The following SDK2 variants were observed in gnomAD, a reference collection of about 807,000 sequenced individuals.
The protein encoded by SDK2 is sidekick cell adhesion molecule 2.
In SDK2, 105 loss-of-function variants were observed where a neutral mutation model predicts 253.9. That is an observed-to-expected ratio of 0.41 (90% CI 0.35 to 0.49). The LOEUF is 0.49. SDK2 is among the 20% of genes least tolerant of loss of function. SDK2 has a pLI of 0.06. For missense variants in SDK2, 2,608 were observed against 3,003.0 expected, an observed-to-expected ratio of 0.87 and a Z score of 3.07; for synonymous variants, 1,249 against 1,234.9, an observed-to-expected ratio of 1.01 and a Z score of -0.24.
At chr17:73,372,535 C>A (rs1473879193) in intron 36 of SDK2, among the ~76,000 whole-genome samples, 1 of 152,114 alleles carries the variant, frequency 6.6e-6, no homozygotes, top group Non-Finnish European at 1.5e-5. Context: ...AATTCTCTGC[C>A]CTTTCATTTC....
intron 1 of SDK2, among the ~76,000 whole-genome samples, chr17:73,602,883 G>A (rs541570612): frequency 6.6e-6 from 1 of 152,080 alleles, no homozygotes; most frequent in East Asian, 1.9e-4. Flanking sequence ...CTGCCACCAC[G>A]CCTGGCTAAT....
chr17:73,578,808 G>A (rs964707196), intron 1 of SDK2, among the ~76,000 whole-genome samples: 3 of 152,134 alleles, frequency 2.0e-5, no homozygotes, highest in African/African-American at 7.2e-5. Context: ...CCAACCTGAG[G>A]CACAGTCTAG....
chr17:73,643,969 T>TC lies in SDK2; in HGVS notation c.64+55dup. On this transcript the variant is annotated intron_variant, in intron 1 of 44. Transcript: ENST00000392650. This position sits in a 1 kb window ranked among gnomAD's most constrained non-coding sequence, Gnocchi z 6.9. ...GAGGCCGGCCAGCTCCCGCCGCCCCTCCCCCGCCCACTCTCCCAGCCCCCT... is the reference window on the plus strand; with the variant it reads ...GAGGCCGGCCAGCTCCCGCCGCCCCTCCCCCCGCCCACTCTCCCAGCCCCCT... 5.2e-6 allele frequency: 2 copies of TC among 382,952 alleles called. No homozygotes were observed. The highest frequency in any genetic ancestry group is 4.4e-5 in the South Asian group (2 of 45,640). The allele number at this position is 382,952 out of a possible 1,614,324, so 23.7% of individuals were successfully genotyped here.
rs751188417 is a variant in SDK2, at chr17:73,437,961, C to T, written c.916+3G>A. The stretch of plus-strand genomic sequence containing the variant: ...GAGCCCTAGCAGCCCCACCCTCTCT[C>T]ACCCAGCACTGAGAGGTAGGCGCCC... On this transcript the variant is annotated splice_donor_region_variant and intron_variant, in intron 7 of 44. Coordinates refer to ENST00000392650, the MANE Select transcript of SDK2 (RefSeq NM_001144952.2). 22 of 1,552,300 alleles carry T rather than the reference C, an allele frequency of 1.4e-5. No individual in the cohort carries two copies. In the South Asian group the frequency reaches 2.6e-4, roughly 18 times the overall value.
In SDK2 at chr17:73,431,076, A is replaced by C. The variant is rs1055615271; in HGVS notation, c.1480+426T>G. ...TTTGGCTAAATAAACCCTTACTGGA[A>C]CATAGCCACGCCCATTGGATGACAT... On this transcript the variant is annotated intron_variant, in intron 11 of 44. Transcript: ENST00000392650. The surrounding 1 kb of genome is among the most constrained non-coding windows in gnomAD (Gnocchi z 5.6). Among the ~76,000 whole-genome samples, 34 of 152,362 alleles carry C rather than the reference A, an allele frequency of 2.2e-4. No individual in the cohort carries two copies. Among genetic ancestry groups the C allele is most frequent in the Middle Eastern group, 3.4e-3 (1 of 294 alleles).
chr17:73,513,087 C>T (rs1567815987), intron 1 of SDK2, among the ~76,000 whole-genome samples: 1 of 151,564 alleles, frequency 6.6e-6, no homozygotes, highest in Non-Finnish European at 1.5e-5. Context: ...ACTATGCAAG[C>T]TCCAAAAGGT....
intron 1 of SDK2, among the ~76,000 whole-genome samples, chr17:73,638,757 G>A (rs1325615613): frequency 6.6e-6 from 1 of 151,474 alleles, no homozygotes; most frequent in Non-Finnish European, 1.5e-5. Flanking sequence ...AAGTGATCTG[G>A]ACAATCTCAT....
rs2063748246 is a variant in SDK2 at position 73,483,674 on chromosome 17, TA to T, written c.225-11457del. Among the ~76,000 whole-genome samples, 8 of 68,796 alleles carry T rather than the reference TA, an allele frequency of 1.2e-4. 1 individual carries two copies. The highest frequency in any genetic ancestry group is 3.5e-4 in the African/African-American group (5 of 14,346). The allele number at this position is 68,796 out of a possible 152,430, so 45.1% of individuals were successfully genotyped here. On this transcript the variant is annotated intron_variant, in intron 2 of 44. Transcript: ENST00000392650. ...GTGTGTGTGTGTGTATATATATATA[TA>T]TATATATTTATATATATATATATAT... is the stretch of plus-strand genomic sequence containing the variant.
intron 1 of SDK2, among the ~76,000 whole-genome samples, chr17:73,610,931 C>G (rs531394698): frequency 1.3e-5 from 2 of 152,236 alleles, no homozygotes; most frequent in East Asian, 3.9e-4. Context: ...CTGTGCCCCC[C>G]ACCTCCCAGT....
chr17:73,556,593 A>G lies in SDK2; in HGVS notation c.65-48996T>C, dbSNP rs954579612. Among the ~76,000 whole-genome samples the G allele has an allele frequency of 1.1e-4, 17 of 152,348 alleles. No individual in the cohort carries two copies. In the South Asian group the frequency reaches 2.5e-3, roughly 22 times the overall value. On this transcript the variant is annotated intron_variant, in intron 1 of 44. Transcript: ENST00000392650. ...CTTTTAAGCACACATTTTAGGAAAAATATTTGCTGAATTCTTATGCGGCTG... is the reference window on the plus strand; with the variant it reads ...CTTTTAAGCACACATTTTAGGAAAAGTATTTGCTGAATTCTTATGCGGCTG...
chr17:73,623,503 G>A (rs1255100514), intron 1 of SDK2, among the ~76,000 whole-genome samples: 1 of 152,172 alleles, frequency 6.6e-6, no homozygotes, highest in Non-Finnish European at 1.5e-5. Flanking sequence ...CCCCCTGAAG[G>A]CCCCCAGAGC....
At chr17:73,369,921 G>A (rs1441773284) in intron 36 of SDK2, among the ~76,000 whole-genome samples, 1 of 152,194 alleles carries the variant, frequency 6.6e-6, no homozygotes, top group Admixed American at 6.5e-5. Context: ...TGGGGTTACA[G>A]GCGCGAACCA....
chr17:73,355,919 A>G (rs1316905665), intron 40 of SDK2, among the ~76,000 whole-genome samples: 2 of 152,116 alleles, frequency 1.3e-5, no homozygotes, highest in East Asian at 3.8e-4. Flanking sequence ...TCTCTCACTC[A>G]TCTTTGAATG....
At chr17:73,409,916 G>A (rs1471819202) in intron 18 of SDK2, among the ~76,000 whole-genome samples, 2 of 151,966 alleles carry the variant, frequency 1.3e-5, no homozygotes, top group Non-Finnish European at 2.9e-5. Flanking sequence ...GTGCAGTGAC[G>A]TGATTTCAGC....
intron 17 of SDK2, 84 bp from the exon 18 acceptor site, chr17:73,414,843 G>T (rs2063167467): frequency 1.2e-6 from 1 of 825,426 alleles, no homozygotes; most frequent in Non-Finnish European, 2.0e-6. Context: ...ACGCAGGGGT[G>T]GGGGCTATAG....
chr17:73,586,690 C>A (rs1305284327), intron 1 of SDK2, among the ~76,000 whole-genome samples: 1 of 152,168 alleles, frequency 6.6e-6, no homozygotes, highest in Non-Finnish European at 1.5e-5. Flanking sequence ...TTGACTCAAC[C>A]ACCTCCCATG....
chr17:73,460,377 C>T (rs1274733720), intron 3 of SDK2, among the ~76,000 whole-genome samples: 1 of 152,192 alleles, frequency 6.6e-6, no homozygotes, highest in Non-Finnish European at 1.5e-5. Flanking sequence ...AGGCCTCAGT[C>T]ATCCCAGGAT....
intron 1 of SDK2, among the ~76,000 whole-genome samples, chr17:73,528,607 G>A (rs902273717): frequency 2.0e-5 from 3 of 152,282 alleles, no homozygotes; most frequent in Non-Finnish European, 4.4e-5. Context: ...GGTGAACAGC[G>A]AGGGCTGCTT....
chr17:73,390,535 G>A, intron 28 of SDK2, 54 bp from the exon 29 acceptor site: 1 of 1,534,638 alleles, frequency 6.5e-7, no homozygotes, highest in Non-Finnish European at 8.8e-7. Flanking sequence ...CCGCTCCTAG[G>A]GCCCCGGGAA....
Sources: allele counts gnomAD v4.1 joint callset (sites outside exome capture counted in the v4.1 genomes callset), GRCh38; gene constraint gnomAD v4.1.1; non-coding constraint Gnocchi (gnomAD v3.1); transcripts MANE v1.5; gene names NCBI Gene and HGNC (gene_info 2026-07-23, HGNC 2026-07-21).